The following TSHZ2 variants were observed in gnomAD, a reference collection of about 807,000 sequenced individuals.
TSHZ2 encodes the protein teashirt zinc finger homeobox 2.
TSHZ2 carries 21 observed loss-of-function variants against 74.4 expected under a neutral mutation model. The observed-to-expected ratio is 0.28, with a 90% CI of 0.20 to 0.41. The LOEUF is 0.41. TSHZ2 is among the 10% of genes least tolerant of loss of function. The pLI, the probability that TSHZ2 is intolerant of heterozygous loss-of-function variation, is 1.00. For missense variants in TSHZ2, 1,244 were observed against 1,293.5 expected (o/e 0.96, Z 0.59); for synonymous variants, 540 against 515.3 (o/e 1.05, Z -0.65).
intron 1 of TSHZ2, among the ~76,000 whole-genome samples, chr20:53,117,129 AC>A (rs112580828): frequency 0.15 from 22,431 of 152,066 alleles, 3,680 homozygotes; most frequent in African/African-American, 0.41. Context: ...CACCTTCATG[AC>A]CTAAGTACTT....
chr20:53,380,851 A>G (rs1023294986), intron 2 of TSHZ2, among the ~76,000 whole-genome samples: 1 of 152,230 alleles, frequency 6.6e-6, no homozygotes, highest in Non-Finnish European at 1.5e-5. Context: ...AACTATTATC[A>G]TTATATTATC....
At chr20:53,006,579 A>T (rs1437064925) in intron 1 of TSHZ2, among the ~76,000 whole-genome samples, 5 of 152,226 alleles carry the variant, frequency 3.3e-5, no homozygotes, top group Non-Finnish European at 5.9e-5. Flanking sequence ...CCATGCAGGA[A>T]TCCATCATCT....
At position 53,220,450 on chromosome 20, in the gene TSHZ2, C is replaced by A. The variant is rs572194383; in HGVS notation, c.41-33049C>A. On this transcript the variant is annotated intron_variant, in intron 1 of 2. Coordinates refer to ENST00000371497, the MANE Select transcript of TSHZ2 (RefSeq NM_173485.6). ...CCTCTACAGGGTTACTGATTAAGGG[C>A]CAGTTTTTTTGTTTGTTTGTGTTTT... Among the ~76,000 whole-genome samples the A allele has an allele frequency of 1.8e-4, 27 of 152,272 alleles. 1 individual carries two copies. The highest frequency in any genetic ancestry group is 6.8e-3 in the Middle Eastern group (2 of 294).
intron 1 of TSHZ2, among the ~76,000 whole-genome samples, chr20:53,147,391 T>C (rs1987567817): frequency 6.6e-6 from 1 of 152,202 alleles, no homozygotes; most frequent in African/African-American, 2.4e-5. Context: ...TGTTAACAGT[T>C]TTGTGCTATC....
At chr20:53,043,360 G>A (rs1465470086) in intron 1 of TSHZ2, among the ~76,000 whole-genome samples, 2 of 152,044 alleles carry the variant, frequency 1.3e-5, no homozygotes, top group African/African-American at 2.4e-5. Context: ...TCAGGGAGTG[G>A]GGTTTGCTAC....
intron 2 of TSHZ2, among the ~76,000 whole-genome samples, chr20:53,304,938 CT>C (rs145371174): frequency 0.018 from 2,228 of 122,468 alleles, 43 homozygotes; most frequent in African/African-American, 0.053. Flanking sequence ...CCTTAATGAA[CT>C]TTTTTTTTTT....
intron 1 of TSHZ2, among the ~76,000 whole-genome samples, chr20:53,252,316 G>A (rs974674144): frequency 2.0e-5 from 3 of 152,126 alleles, no homozygotes; most frequent in African/African-American, 7.2e-5. Context: ...CTGCTCTAAG[G>A]TTTTCCCCAC....
intron 1 of TSHZ2, among the ~76,000 whole-genome samples, chr20:53,036,897 T>C (rs1983843582): frequency 6.6e-6 from 1 of 151,624 alleles, no homozygotes; most frequent in South Asian, 2.1e-4. Context: ...TTATATTTGC[T>C]GTAATTTTGC....
rs528574103 is a variant in TSHZ2 at position 53,005,096 on chromosome 20, G to A, written c.40+31763G>A. Among the ~76,000 whole-genome samples the A allele has an allele frequency of 2.0e-5, 3 of 152,254 alleles. No homozygotes were observed. The East Asian group carries it at 5.8e-4, about 30-fold the overall frequency. On this transcript the variant is annotated intron_variant, in intron 1 of 2. Coordinates refer to ENST00000371497, the MANE Select transcript of TSHZ2 (RefSeq NM_173485.6). ...GGGAGGCCGAGGCCAGAGGATCAGT[G>A]AGGTCAGGAGTTCGAGACCAGCCTG...
At chr20:53,409,834 CTTTTTTTTTT>C (rs71194475) in intron 2 of TSHZ2, among the ~76,000 whole-genome samples, 10 of 49,360 alleles carry the variant, frequency 2.0e-4, no homozygotes, top group African/African-American at 3.4e-4. Flanking sequence ...GTTTTCTTTT[CTTTTTTTTTT>C]TTTTTTTTTT....
chr20:53,413,676 T>C (rs919947300), intron 2 of TSHZ2, among the ~76,000 whole-genome samples: 2 of 152,226 alleles, frequency 1.3e-5, no homozygotes, highest in African/African-American at 4.8e-5. Context: ...TCCATTGGAA[T>C]TGCATAAGCA....
chr20:53,311,998 T>C (rs570610843), intron 2 of TSHZ2, among the ~76,000 whole-genome samples: 5 of 152,066 alleles, frequency 3.3e-5, no homozygotes, highest in Non-Finnish European at 7.4e-5. Flanking sequence ...GGAGGATCAT[T>C]TGAGCCCAGG....
chr20:53,181,895 C>G (rs1212570403), intron 1 of TSHZ2, among the ~76,000 whole-genome samples: 1 of 151,814 alleles, frequency 6.6e-6, no homozygotes, highest in African/African-American at 2.4e-5. Context: ...GTGTGGCTGA[C>G]CAGAAAGACT....
At chr20:53,397,291 C>T (rs1180048506) in intron 2 of TSHZ2, among the ~76,000 whole-genome samples, 3 of 152,130 alleles carry the variant, frequency 2.0e-5, no homozygotes, top group Non-Finnish European at 4.4e-5. Flanking sequence ...AAAAATCAAA[C>T]AACCCCATCA....
At chr20:53,479,091 G>A (rs1278622042) in intron 2 of TSHZ2, among the ~76,000 whole-genome samples, 2 of 151,800 alleles carry the variant, frequency 1.3e-5, no homozygotes, top group Admixed American at 1.3e-4. Context: ...CTTGAACCCA[G>A]GAGGCGGAGG....
At chr20:53,076,187 T>C (rs140699041) in intron 1 of TSHZ2, among the ~76,000 whole-genome samples, 103 of 152,294 alleles carry the variant, frequency 6.8e-4, no homozygotes, top group African/African-American at 2.4e-3. Flanking sequence ...AAGAGAGATC[T>C]GAAGAAAACA....
intron 1 of TSHZ2, among the ~76,000 whole-genome samples, chr20:53,024,966 T>C (rs1206063455): frequency 6.6e-6 from 1 of 152,190 alleles, no homozygotes; most frequent in Non-Finnish European, 1.5e-5. Context: ...TACGTGTGCA[T>C]GTATCTTTAT....
chr20:53,187,167 G>A (rs559881016), intron 1 of TSHZ2, among the ~76,000 whole-genome samples: 1 of 152,224 alleles, frequency 6.6e-6, no homozygotes, highest in South Asian at 2.1e-4. Flanking sequence ...GCTACACATC[G>A]CTGGTGAAAA....
chr20:53,126,691 A>G (rs192169737), intron 1 of TSHZ2, among the ~76,000 whole-genome samples: 18 of 152,322 alleles, frequency 1.2e-4, no homozygotes, highest in African/African-American at 3.1e-4. Context: ...TTTGGTGGAC[A>G]GCAGTAGATC....
Sources: allele counts gnomAD v4.1 joint callset (sites outside exome capture counted in the v4.1 genomes callset), GRCh38; gene constraint gnomAD v4.1.1; transcripts MANE v1.5; gene names NCBI Gene and HGNC (gene_info 2026-07-23, HGNC 2026-07-21).